POLR2L: variants seen among roughly 807,000 people sequenced by gnomAD.
The protein encoded by POLR2L is DNA-directed RNA polymerases I, II, and III subunit RPABC5.
POLR2L carries 7 observed loss-of-function variants against 6.8 expected under a neutral mutation model. The ratio of observed to expected loss-of-function variants is 1.03; its 90% CI spans 0.59 to 1.94. The LOEUF is 1.94. Ranked by LOEUF, POLR2L falls within the 30% of genes most tolerant of loss-of-function variation. POLR2L has a pLI of 0.00. For synonymous variants in POLR2L, 59 were observed against 39.8 expected, an observed-to-expected ratio of 1.48 and a Z score of -1.82; for missense variants, 93 against 86.7, an observed-to-expected ratio of 1.07 and a Z score of -0.29.
At chr11:840,518 C>A in intron 1 of POLR2L, 38 bp from the exon 2 acceptor site, 1 of 1,428,974 alleles carries the variant, frequency 7.0e-7, no homozygotes. Flanking sequence ...ACTGAGTTCT[C>A]TACGGTCTGC....
In POLR2L at chr11:839,949, C is replaced by T. The variant is rs1013201901; in HGVS notation, c.*423G>A. The stretch of plus-strand genomic sequence containing the variant: ...GTGAGCCCCTTTGCCCGGCCTAAAT[C>T]TGGCTCTTCAGATTCCGAGAGAGAG... On this transcript the variant is annotated 3_prime_UTR_variant, in exon 2 of 2. Coordinates refer to ENST00000322028, the MANE Select transcript of POLR2L (RefSeq NM_021128.5). 2 of 158,068 alleles carry T rather than the reference C, an allele frequency of 1.3e-5. No homozygotes were observed. The highest frequency in any genetic ancestry group is 4.8e-5 in the African/African-American group (2 of 41,682). 9.8% of individuals were successfully genotyped at this position (158,068 alleles called of 1,614,324 possible).
In POLR2L at chr11:840,292, G is replaced by C; in HGVS notation, c.*80C>G. 1.2e-6 allele frequency: 1 copy of C among 856,564 alleles called. No individual in the cohort carries two copies. The highest frequency in any genetic ancestry group is 1.9e-6 in the Non-Finnish European group (1 of 525,244). The allele number at this position is 856,564 out of a possible 1,614,324, so 53.1% of individuals were successfully genotyped here. On this transcript the variant is annotated 3_prime_UTR_variant, in exon 2 of 2. Transcript: ENST00000322028. ...GCGGCCAGGCATTACGCCAGCTCCC[G>C]GATGCCTCAGCCTCGTGAATTCGGG...
At chr11:841,519 C>G (rs571972324) in intron 1 of POLR2L, among the ~76,000 whole-genome samples, 1 of 152,296 alleles carries the variant, frequency 6.6e-6, no homozygotes, top group Non-Finnish European at 1.5e-5. Flanking sequence ...CTGCAACCTC[C>G]ACCTGCCTCC....
intron 1 of POLR2L, 72 bp from the exon 2 acceptor site, chr11:840,552 C>T: frequency 9.2e-7 from 1 of 1,085,836 alleles, no homozygotes; most frequent in Non-Finnish European, 1.4e-6. Context: ...CCACATCCAA[C>T]CTGCCTCTCA....
intron 1 of POLR2L, among the ~76,000 whole-genome samples, chr11:841,064 A>T (rs1846952060): frequency 6.6e-6 from 1 of 152,146 alleles, no homozygotes; most frequent in South Asian, 2.1e-4. Context: ...ACCTCCAGAA[A>T]ACTCCCACAC....
At chr11:842,324 C>T (rs908703631) in intron 1 of POLR2L, 90 bp downstream of exon 1, 2 of 909,796 alleles carry the variant, frequency 2.2e-6, no homozygotes, top group South Asian at 2.5e-5. Context: ...GCGCCTCCCG[C>T]CCCGGCGCGC....
chr11:842,246 G>A (rs1846991659), intron 1 of POLR2L, among the ~76,000 whole-genome samples, 168 bp downstream of exon 1: 1 of 152,254 alleles, frequency 6.6e-6, no homozygotes, highest in Non-Finnish European at 1.5e-5. Context: ...CCCGAAAGCA[G>A]ATCACAGAGC....
rs569522776 is a variant in POLR2L at position 842,483 on chromosome 11, G to A, written c.26C>T (p.Thr9Ile). ...CTTGTTGCCGACGATCTTGCCACAAGTGAAGCAGCGTACAGGGATGATCAT... is the reference window on the plus strand; with the variant it reads ...CTTGTTGCCGACGATCTTGCCACAAATGAAGCAGCGTACAGGGATGATCAT... MIIPVRCFTCGKIVGNKWE... is the reference protein window; with the variant it reads MIIPVRCFICGKIVGNKWE... The change falls in exon 1 of 2, where the codon ACT becomes ATT. Residue 9 changes from threonine (T) to isoleucine (I), a missense_variant. Thr to Ile is a moderately conservative substitution (Grantham distance 89, BLOSUM62 -1). Coordinates refer to ENST00000322028, the MANE Select transcript of POLR2L (RefSeq NM_021128.5). The A allele has an allele frequency of 1.9e-6, 3 of 1,596,370 alleles. No homozygotes were observed. Among genetic ancestry groups the A allele is most frequent in the South Asian group, 1.1e-5 (1 of 89,104 alleles).
At position 842,480 on chromosome 11, in the gene POLR2L, C is replaced by G. The variant is rs780790332; in HGVS notation, c.29G>C (p.Cys10Ser). ...CCACTTGTTGCCGACGATCTTGCCA[C>G]AAGTGAAGCAGCGTACAGGGATGAT... The part of the protein sequence containing the change: MIIPVRCFT[C>S]GKIVGNKWEA... Residue 10 changes from cysteine (C) to serine (S), a missense_variant, in exon 1 of 2, where the codon TGT becomes TCT. Cys to Ser is a moderately radical substitution (Grantham distance 112, BLOSUM62 -1). Transcript: ENST00000322028. 2.5e-6 allele frequency: 4 copies of G among 1,596,932 alleles called. No individual in the cohort carries two copies. Among genetic ancestry groups the G allele is most frequent in the South Asian group, 2.2e-5 (2 of 89,170 alleles).
intron 1 of POLR2L, among the ~76,000 whole-genome samples, chr11:841,599 G>A (rs552791274): frequency 2.0e-5 from 3 of 152,136 alleles, no homozygotes; most frequent in Non-Finnish European, 4.4e-5. Flanking sequence ...CGCCATGTCC[G>A]GCGAATTAAA....
intron 1 of POLR2L, among the ~76,000 whole-genome samples, chr11:841,599 G>C (rs552791274): frequency 1.5e-4 from 23 of 152,256 alleles, no homozygotes; most frequent in African/African-American, 4.8e-4. Flanking sequence ...CGCCATGTCC[G>C]GCGAATTAAA....
intron 1 of POLR2L, 40 bp from the exon 2 acceptor site, chr11:840,520 AC>A (rs763029416): frequency 1.4e-6 from 2 of 1,419,290 alleles, no homozygotes; most frequent in Non-Finnish European, 2.0e-6. Flanking sequence ...TGAGTTCTCT[AC>A]GGTCTGCAAA....
intron 1 of POLR2L, among the ~76,000 whole-genome samples, chr11:841,048 C>G (rs1486606406): frequency 6.6e-6 from 1 of 152,226 alleles, no homozygotes; most frequent in Non-Finnish European, 1.5e-5. Context: ...TCCAGTCACC[C>G]TCAAGACCTC....
chr11:840,580 C>G lies in POLR2L; in HGVS notation c.96-100G>C, dbSNP rs34789402. 4,918 of 598,772 alleles carry G rather than the reference C, an allele frequency of 8.2e-3. 195 individuals are homozygous for G. The African/African-American group carries it at 0.16, about 19-fold the overall frequency. 37.1% of individuals were successfully genotyped at this position (598,772 alleles called of 1,614,324 possible). A position where few individuals can be genotyped will look rare whatever the true frequency, so the allele number is the denominator to read the frequency against. ...GCCTCTCACTGCCTGCTGGCCTCAC[C>G]CCCCCCGCCACCGGCAAGGCGAACA... On this transcript the variant is annotated intron_variant, in intron 1 of 1. Coordinates refer to ENST00000322028, the MANE Select transcript of POLR2L (RefSeq NM_021128.5).
Position 840,329 on chromosome 11 carries a change from A to T in POLR2L, c.*43T>A. 7.8e-7 allele frequency: 1 copy of T among 1,275,358 alleles called. No individual in the cohort carries two copies. Among genetic ancestry groups the T allele is most frequent in the Admixed American group, 1.9e-5 (1 of 53,158 alleles). The allele number at this position is 1,275,358 out of a possible 1,614,324, so 79.0% of individuals were successfully genotyped here. On this transcript the variant is annotated 3_prime_UTR_variant, in exon 2 of 2. Transcript: ENST00000322028. ...CTCGTGAATTCGGGGCAGGACGCTC[A>T]GGGCCCATGGTCAGCACAGCGGGTG...
chr11:840,781 G>A lies in POLR2L; in HGVS notation c.96-301C>T, dbSNP rs534024171. Among the ~76,000 whole-genome samples, 6 of 152,248 alleles carry A rather than the reference G, an allele frequency of 3.9e-5. 1 individual carries two copies. The highest frequency in any genetic ancestry group is 4.1e-4 in the South Asian group (2 of 4,822). On this transcript the variant is annotated intron_variant, in intron 1 of 1. Coordinates refer to ENST00000322028, the MANE Select transcript of POLR2L (RefSeq NM_021128.5). ...AATGAAATGAAAACGAAGTAATTGC[G>A]GGGAGCTTAGAAAACCAAGACCACC...
intron 1 of POLR2L, 71 bp from the exon 2 acceptor site, chr11:840,551 A>G (rs1590212947): frequency 2.8e-6 from 3 of 1,088,982 alleles, no homozygotes; most frequent in South Asian, 1.2e-5. Flanking sequence ...CCCACATCCA[A>G]CCTGCCTCTC....
intron 1 of POLR2L, 44 bp downstream of exon 1, chr11:842,370 C>T: frequency 6.9e-7 from 1 of 1,453,120 alleles, no homozygotes; most frequent in Non-Finnish European, 9.3e-7. Context: ...CCCCGGCCCG[C>T]GCCCCACGGC....
intron 1 of POLR2L, among the ~76,000 whole-genome samples, chr11:841,172 C>T (rs538281300): frequency 2.0e-5 from 3 of 152,320 alleles, no homozygotes; most frequent in African/African-American, 4.8e-5. Flanking sequence ...CTGGACAGGC[C>T]GCCAGCCACT....
Sources: allele counts gnomAD v4.1 joint callset (sites outside exome capture counted in the v4.1 genomes callset), GRCh38; gene constraint gnomAD v4.1.1; transcripts MANE v1.5; gene names NCBI Gene and HGNC (gene_info 2026-07-23, HGNC 2026-07-21).